Variants in TRAM2 observed in about 807,000 individuals in gnomAD.
TRAM2 encodes translocation associated membrane protein 2.
Under a neutral mutation model 51.0 loss-of-function variants are expected in TRAM2, and 12 were observed. The observed-to-expected ratio is 0.24, with a 90% CI of 0.15 to 0.38. The LOEUF (loss-of-function observed/expected upper bound fraction) is 0.38, where lower values mean the gene tolerates loss of function less well. Among genes scored for constraint, TRAM2 ranks in the 10% least tolerant of loss-of-function variants. The probability of loss-of-function intolerance (pLI) is 1.00; values close to 1 mark genes in which losing one functional copy is unlikely to be tolerated. For synonymous variants in TRAM2, 175 were observed against 179.4 expected (o/e 0.98, Z 0.20); for missense variants, 361 against 462.0 (o/e 0.78, Z 2.00).
rs572488503 is a variant in TRAM2, at chr6:52,502,701, T to C, written c.*496A>G. On this transcript the variant is annotated 3_prime_UTR_variant, in exon 11 of 11. Transcript: ENST00000182527. ...GAGATGGCCGCTCTCTTCTTGCCCATCCACATGAGGACCACCAAGGGCCTA... is the reference window on the plus strand; with the variant it reads ...GAGATGGCCGCTCTCTTCTTGCCCACCCACATGAGGACCACCAAGGGCCTA... The C allele has an allele frequency of 2.8e-4, 45 of 163,014 alleles. No homozygotes were observed. The highest frequency in any genetic ancestry group is 5.1e-4 in the South Asian group (3 of 5,900). 10.1% of individuals were successfully genotyped at this position (163,014 alleles called of 1,614,324 possible). A position where few individuals can be genotyped will look rare whatever the true frequency, so the allele number is the denominator to read the frequency against.
chr6:52,567,119 C>T (rs889501260), intron 1 of TRAM2, among the ~76,000 whole-genome samples: 3 of 152,372 alleles, frequency 2.0e-5, no homozygotes, highest in East Asian at 1.9e-4. Flanking sequence ...TTCAGACTCA[C>T]GTCCCTTAGG....
intron 1 of TRAM2, among the ~76,000 whole-genome samples, chr6:52,541,256 G>A (rs930095603): frequency 3.9e-5 from 6 of 152,020 alleles, no homozygotes; most frequent in South Asian, 2.1e-4. Flanking sequence ...TAATGTTATC[G>A]AGTGCTTATT....
chr6:52,504,810 TG>T lies in TRAM2; in HGVS notation c.876-57del, dbSNP rs549342919. On this transcript the variant is annotated intron_variant, in intron 9 of 10. Transcript: ENST00000182527. ...GGGGCTTGGGCTCACAGCCTTGGGC[TG>T]GGTTGTGCAGGGGAGAACAAGGGCC... 337 of 1,529,430 alleles carry T rather than the reference TG, an allele frequency of 2.2e-4. 2 individuals carry two copies. In the African/African-American group the frequency reaches 3.8e-3, roughly 17 times the overall value. 94.7% of individuals were successfully genotyped at this position (1,529,430 alleles called of 1,614,324 possible). A position where few individuals can be genotyped will look rare whatever the true frequency, so the allele number is the denominator to read the frequency against.
intron 2 of TRAM2, among the ~76,000 whole-genome samples, chr6:52,518,215 G>A (rs1424725743): frequency 6.6e-6 from 1 of 152,152 alleles, no homozygotes; most frequent in Non-Finnish European, 1.5e-5. Flanking sequence ...ACTGGTCAGG[G>A]TGAACAGAAC....
chr6:52,513,857 G>A (rs180764944), intron 4 of TRAM2, among the ~76,000 whole-genome samples: 18 of 152,164 alleles, frequency 1.2e-4, no homozygotes, highest in African/African-American at 3.9e-4. Flanking sequence ...GGGGTGGGAG[G>A]GTACAAGAGT....
chr6:52,516,941 G>A (rs1766562641), intron 2 of TRAM2: 1 of 576,852 alleles, frequency 1.7e-6, no homozygotes, highest in South Asian at 2.0e-5. Flanking sequence ...GATGGCTAAG[G>A]AGAACCAAGT....
chr6:52,528,904 T>A (rs1158340949), intron 2 of TRAM2, among the ~76,000 whole-genome samples: 1 of 135,216 alleles, frequency 7.4e-6, no homozygotes, highest in Non-Finnish European at 1.6e-5. Context: ...TTTTTTTTTT[T>A]TTTTGAGACC....
chr6:52,552,662 C>T (rs1767330153), intron 1 of TRAM2, among the ~76,000 whole-genome samples: 1 of 152,212 alleles, frequency 6.6e-6, no homozygotes, highest in Non-Finnish European at 1.5e-5. Context: ...CAAGCCTCAG[C>T]TCTTCTTGCT....
At chr6:52,573,168 T>C (rs1767707793) in intron 1 of TRAM2, among the ~76,000 whole-genome samples, 1 of 152,148 alleles carries the variant, frequency 6.6e-6, no homozygotes, top group African/African-American at 2.4e-5. Flanking sequence ...TTCCTCATTC[T>C]CCATTCGCTA....
Position 52,503,149 on chromosome 6 carries a change from C to T in TRAM2, c.*48G>A, listed in dbSNP as rs757323296. On this transcript the variant is annotated 3_prime_UTR_variant, in exon 11 of 11. Coordinates refer to ENST00000182527, the MANE Select transcript of TRAM2 (RefSeq NM_012288.4). ...AGGGAGGGGGCCTGGGCTCCTTGCC[C>T]CCTGCTCGGCCCCCACCAAGAGGAT... is the stretch of plus-strand genomic sequence containing the variant. The T allele has an allele frequency of 6.6e-7, 1 of 1,526,464 alleles. No homozygotes were observed. Among genetic ancestry groups the T allele is most frequent in the Admixed American group, 1.7e-5 (1 of 59,618 alleles). 94.6% of individuals were successfully genotyped at this position (1,526,464 alleles called of 1,614,324 possible). A position where few individuals can be genotyped will look rare whatever the true frequency, so the allele number is the denominator to read the frequency against.
Position 52,504,732 on chromosome 6 carries a change from A to T in TRAM2, c.898T>A (p.Cys300Ser). 1 of 1,609,472 alleles carries T rather than the reference A, an allele frequency of 6.2e-7. No individual in the cohort carries two copies. The highest frequency in any genetic ancestry group is 1.1e-5 in the South Asian group (1 of 90,388). ...CACATGAGCCAGGCCTGGGCGGCAC[A>T]CACCAGCAGCAGCACGCAGAGCCTG... ...FCRLCVLLLV[C>S]AAQAWLMWRF... is the part of the protein sequence containing the mutation. Residue 300 changes from cysteine (C) to serine (S), a missense_variant, in exon 10 of 11, where the codon TGT (cysteine) becomes AGT (serine). By Grantham distance (112) the Cys-to-Ser change is moderately radical (BLOSUM62 -1). Transcript: ENST00000182527.
At chr6:52,532,514 C>G (rs1020917909) in intron 2 of TRAM2, among the ~76,000 whole-genome samples, 1 of 152,052 alleles carries the variant, frequency 6.6e-6, no homozygotes, top group Admixed American at 6.5e-5. Flanking sequence ...TATTAAATGA[C>G]AGAAGGTATT....
intron 2 of TRAM2, chr6:52,523,214 TATATA>T (rs1766708807): frequency 3.2e-6 from 1 of 311,170 alleles, no homozygotes; most frequent in Non-Finnish European, 5.8e-6. Context: ...TTTTACACTA[TATATA>T]AATCCAGAAT....
At chr6:52,560,584 C>T (rs991226016) in intron 1 of TRAM2, among the ~76,000 whole-genome samples, 2 of 152,200 alleles carry the variant, frequency 1.3e-5, no homozygotes, top group Non-Finnish European at 2.9e-5. Flanking sequence ...TTATTTCAAA[C>T]GAAGTCTGCC....
chr6:52,577,026 C>CA lies in TRAM2; in HGVS notation c.-112dup. On this transcript the variant is annotated 5_prime_UTR_variant, in exon 1 of 11. Coordinates refer to ENST00000182527, the MANE Select transcript of TRAM2 (RefSeq NM_012288.4). ...CCCGCCGGCCCGCCGCCCGCTCTCCCACAGCCGCTCGCCCGCCCAGCGCGG... is the reference window on the plus strand; with the variant it reads ...CCCGCCGGCCCGCCGCCCGCTCTCCCAACAGCCGCTCGCCCGCCCAGCGCGG... The CA allele has an allele frequency of 1.6e-6, 2 of 1,239,466 alleles. No individual in the cohort carries two copies. Among genetic ancestry groups the CA allele is most frequent in the Non-Finnish European group, 2.0e-6 (2 of 981,350 alleles). 76.8% of individuals were successfully genotyped at this position (1,239,466 alleles called of 1,614,324 possible). A position where few individuals can be genotyped will look rare whatever the true frequency, so the allele number is the denominator to read the frequency against.
At chr6:52,556,805 G>A (rs113574244) in intron 1 of TRAM2, among the ~76,000 whole-genome samples, 30,534 of 151,240 alleles carry the variant, frequency 0.2, 4,018 homozygotes, top group Non-Finnish European at 0.29. Flanking sequence ...GTGCATGCCT[G>A]TAGTCCCAGC....
At chr6:52,511,196 C>T (rs1009544949) in intron 4 of TRAM2, among the ~76,000 whole-genome samples, 4 of 152,198 alleles carry the variant, frequency 2.6e-5, no homozygotes, top group Admixed American at 2.0e-4. Flanking sequence ...CTCTGCCTTG[C>T]AGGTTCAAGC....
At chr6:52,569,744 G>A (rs1268967008) in intron 1 of TRAM2, among the ~76,000 whole-genome samples, 2 of 152,104 alleles carry the variant, frequency 1.3e-5, no homozygotes, top group African/African-American at 4.8e-5. Flanking sequence ...AGACCTCTTT[G>A]AGAAGAGGGA....
chr6:52,537,800 C>T (rs1368934468), intron 1 of TRAM2, among the ~76,000 whole-genome samples: 1 of 152,146 alleles, frequency 6.6e-6, no homozygotes, highest in Non-Finnish European at 1.5e-5. Context: ...TCAGTAACGG[C>T]TCATTGCTTA....
Sources: gnomAD v4.1 joint callset for allele counts (sites outside exome capture counted in the v4.1 genomes callset) on GRCh38, gnomAD v4.1.1 for gene constraint, MANE v1.5 for transcripts, NCBI Gene and HGNC (gene_info 2026-07-23, HGNC 2026-07-21) for gene names.